The following TLL2 variants were observed in gnomAD, a reference collection of about 807,000 sequenced individuals.
The protein encoded by TLL2 is tolloid-like protein 2.
A neutral mutation model predicts 123.0 loss-of-function variants in TLL2; 106 were observed. The observed-to-expected ratio is 0.86, with a 90% confidence interval of 0.74 to 1.01. The LOEUF (loss-of-function observed/expected upper bound fraction) is 1.01. TLL2 is among the 50% of genes least tolerant of loss of function. The pLI, the probability that TLL2 is intolerant of heterozygous loss-of-function variation, is 0.00. For synonymous variants in TLL2, 494 were observed against 516.8 expected (o/e 0.96, Z 0.60); for missense variants, 1,332 against 1,336.7 (o/e 1.00, Z 0.06).
At chr10:96,391,881 G>C (rs920892740) in intron 13 of TLL2, among the ~76,000 whole-genome samples, 2 of 152,172 alleles carry the variant, frequency 1.3e-5, no homozygotes, top group African/African-American at 4.8e-5. Context: ...CTTTGGGTGG[G>C]CCTTAGTCCA....
intron 2 of TLL2, among the ~76,000 whole-genome samples, chr10:96,471,991 G>T (rs1247408368): frequency 1.3e-5 from 2 of 152,072 alleles, no homozygotes; most frequent in Admixed American, 1.3e-4. Context: ...AAAATGTCAC[G>T]CACAACATAC....
At chr10:96,383,005 C>A (rs12244409) in intron 16 of TLL2, among the ~76,000 whole-genome samples, 4,733 of 149,400 alleles carry the variant, frequency 0.032, 269 homozygotes, top group African/African-American at 0.11. Flanking sequence ...GGAGAGGGAA[C>A]GCCACAGGCA....
Position 96,367,989 on chromosome 10 carries a change from T to G in TLL2, c.*99A>C. On this transcript the variant is annotated 3_prime_UTR_variant, in exon 21 of 21. Transcript: ENST00000357947. ...CTGAGTTTTTGTTTGAGAAAAATAC[T>G]GTACACTGTTTTAGGGCAGATTTTC... The G allele has an allele frequency of 3.5e-6, 5 of 1,423,272 alleles. No homozygotes were observed. Among genetic ancestry groups the G allele is most frequent in the Non-Finnish European group, 3.8e-6 (4 of 1,049,424 alleles). 88.2% of individuals were successfully genotyped at this position (1,423,272 alleles called of 1,614,324 possible).
At chr10:96,485,644 G>A (rs1436862378) in intron 1 of TLL2, among the ~76,000 whole-genome samples, 1 of 152,182 alleles carries the variant, frequency 6.6e-6, no homozygotes, top group Non-Finnish European at 1.5e-5. Context: ...AATAAAAAGT[G>A]TTGACTGAAT....
At chr10:96,475,476 C>A (rs1165033343) in intron 2 of TLL2, among the ~76,000 whole-genome samples, 2 of 152,212 alleles carry the variant, frequency 1.3e-5, no homozygotes, top group African/African-American at 2.4e-5. Flanking sequence ...GACACAGCAA[C>A]CCTGGAGTTG....
chr10:96,476,248 T>TTTTTTTTTTTTTTTGTTGTTG (rs1285354320), intron 2 of TLL2, among the ~76,000 whole-genome samples: 3 of 69,244 alleles, frequency 4.3e-5, no homozygotes, highest in African/African-American at 1.9e-4. Context: ...ATATTTTATT[T>TTTTTTTTTTTTTTTGTTGTTG]TTGTTGTTGT....
At chr10:96,393,620 T>C (rs1176583452) in intron 13 of TLL2, among the ~76,000 whole-genome samples, 1 of 152,210 alleles carries the variant, frequency 6.6e-6, no homozygotes, top group East Asian at 1.9e-4. Flanking sequence ...CAGGGTGGGA[T>C]TGGGGCTGTG....
At chr10:96,479,556 ACCCAGCAC>A (rs1486951329) in intron 2 of TLL2, among the ~76,000 whole-genome samples, 1 of 152,226 alleles carries the variant, frequency 6.6e-6, no homozygotes, top group Non-Finnish European at 1.5e-5. Flanking sequence ...GCAGCCAGGA[ACCCAGCAC>A]CCCAAGGGCA....
At position 96,426,442 on chromosome 10, in the gene TLL2, C is replaced by T. The variant is rs528113963; in HGVS notation, c.638+2189G>A. 7.9e-5 allele frequency among the ~76,000 whole-genome samples: 12 copies of T among 152,190 alleles called. No homozygotes were observed. In the South Asian group the frequency reaches 1.7e-3, roughly 21 times the overall value. ...CAGTTCCTCAAAAGTAATTTGAAAG[C>T]GTTCATCTTTCTCTATGCTCTAAAA... On this transcript the variant is annotated intron_variant, in intron 5 of 20. Transcript: ENST00000357947.
intron 8 of TLL2, among the ~76,000 whole-genome samples, chr10:96,411,467 C>T (rs1410971437): frequency 6.6e-6 from 1 of 152,184 alleles, no homozygotes; most frequent in Admixed American, 6.5e-5. Flanking sequence ...GCAGGCTATT[C>T]TGCCCTTGAA....
At chr10:96,390,545 G>A (rs945820747) in intron 13 of TLL2, among the ~76,000 whole-genome samples, 2 of 152,242 alleles carry the variant, frequency 1.3e-5, no homozygotes, top group African/African-American at 2.4e-5. Flanking sequence ...CCCTGGCCAG[G>A]ATCAGGCGCC....
chr10:96,410,298 C>T (rs1296048847), intron 9 of TLL2, 61 bp downstream of exon 9: 14 of 1,267,172 alleles, frequency 1.1e-5, no homozygotes, highest in Admixed American at 5.5e-5. Flanking sequence ...AATAAGAACT[C>T]CTCCCACCTC....
intron 3 of TLL2, among the ~76,000 whole-genome samples, chr10:96,439,787 AG>A (rs1846833427): frequency 6.6e-6 from 1 of 152,218 alleles, no homozygotes; most frequent in Admixed American, 6.5e-5. Flanking sequence ...CAGAATTTCT[AG>A]AACAGAAGTC....
intron 1 of TLL2, among the ~76,000 whole-genome samples, chr10:96,498,863 T>C (rs1003063608): frequency 1.3e-5 from 2 of 152,152 alleles, no homozygotes; most frequent in African/African-American, 4.8e-5. Context: ...GGATCTTAGA[T>C]CTTGAAGGAC....
intron 9 of TLL2, 59 bp from the exon 10 acceptor site, chr10:96,405,393 T>C (rs1442842464): frequency 6.6e-7 from 1 of 1,519,134 alleles, no homozygotes; most frequent in Non-Finnish European, 9.1e-7. Flanking sequence ...TTTGGGAAGA[T>C]ATATCTTGCA....
intron 1 of TLL2, among the ~76,000 whole-genome samples, chr10:96,484,694 G>A (rs145997505): frequency 1.8e-4 from 27 of 151,492 alleles, no homozygotes; most frequent in South Asian, 1.5e-3. Flanking sequence ...TCTATTGAAG[G>A]AAGAAAAATA....
chr10:96,500,062 C>T (rs544436035), intron 1 of TLL2, among the ~76,000 whole-genome samples: 2 of 136,626 alleles, frequency 1.5e-5, no homozygotes, highest in Non-Finnish European at 1.5e-5. Context: ...AGGTAAGTCA[C>T]TTGAGCCCAG....
intron 5 of TLL2, among the ~76,000 whole-genome samples, chr10:96,428,279 A>C (rs1195624698): frequency 6.6e-6 from 1 of 152,170 alleles, no homozygotes; most frequent in Non-Finnish European, 1.5e-5. Flanking sequence ...ATACATATTC[A>C]TCTATTCTTG....
intron 7 of TLL2, among the ~76,000 whole-genome samples, chr10:96,416,307 C>A (rs74151308): frequency 6.6e-6 from 1 of 152,182 alleles, no homozygotes; most frequent in Non-Finnish European, 1.5e-5. Flanking sequence ...ACTTTGCCAG[C>A]GGGCCTGGGG....
Sources: allele counts gnomAD v4.1 joint callset (sites outside exome capture counted in the v4.1 genomes callset), GRCh38; gene constraint gnomAD v4.1.1; transcripts MANE v1.5; gene names NCBI Gene and HGNC (gene_info 2026-07-23, HGNC 2026-07-21).